The following SMAD3 variants were observed in gnomAD, a reference collection of about 807,000 sequenced individuals.
SMAD3 encodes the protein MAD homolog 3.
Under a neutral mutation model 51.8 loss-of-function variants are expected in SMAD3, and 12 were observed. That is an observed-to-expected ratio of 0.23 (90% CI 0.15 to 0.38). The LOEUF is 0.38. Among genes scored for constraint, SMAD3 ranks in the 10% least tolerant of loss-of-function variants. SMAD3 has a pLI of 1.00. For missense variants in SMAD3, 294 were observed against 565.6 expected (o/e 0.52, Z 4.87); for synonymous variants, 238 against 227.7 (o/e 1.05, Z -0.41).
chr15:67,172,117 C>T (rs1462976195), intron 5 of SMAD3, among the ~76,000 whole-genome samples: 1 of 152,210 alleles, frequency 6.6e-6, no homozygotes, highest in Non-Finnish European at 1.5e-5. Flanking sequence ...GTGAACTTCC[C>T]TCTAGATTGT....
chr15:67,183,567 C>T (rs1194062511), intron 6 of SMAD3, among the ~76,000 whole-genome samples: 1 of 152,082 alleles, frequency 6.6e-6, no homozygotes. Flanking sequence ...GGACAGGGGA[C>T]ATCCAGTGAT....
intron 1 of SMAD3, among the ~76,000 whole-genome samples, chr15:67,083,322 C>G (rs1033933678): frequency 2.6e-5 from 4 of 152,198 alleles, no homozygotes; most frequent in African/African-American, 9.7e-5. Context: ...AGATGTTTAC[C>G]ATCGCCTGTT....
rs747191952 is a variant in SMAD3, at chr15:67,193,694, ATT to A, written c.*3170_*3171del. 122 of 215,304 alleles carry A rather than the reference ATT, an allele frequency of 5.7e-4. No homozygotes were observed. Among genetic ancestry groups the A allele is most frequent in the East Asian group, 1.2e-3 (18 of 15,418 alleles). 13.3% of individuals were successfully genotyped at this position (215,304 alleles called of 1,614,324 possible). A position where few individuals can be genotyped will look rare whatever the true frequency, so the allele number is the denominator to read the frequency against. ...ATTGTCCTTATGTTGTCTGTGTTGT[ATT>A]TTTTTTTTTTTATTGACCATGGTGA... On this transcript the variant is annotated 3_prime_UTR_variant, in exon 9 of 9. Coordinates refer to ENST00000327367, the MANE Select transcript of SMAD3 (RefSeq NM_005902.4).
At position 67,107,248 on chromosome 15, in the gene SMAD3, G is replaced by A. The variant is rs191046938; in HGVS notation, c.206+40888G>A. 5.9e-5 allele frequency among the ~76,000 whole-genome samples: 9 copies of A among 152,284 alleles called. No homozygotes were observed. The East Asian group carries it at 1.7e-3, about 29-fold the overall frequency. ...TTGGATGCCAAAGGAATGACAAATG[G>A]TGGGAATTTCAGGCACAGTGACTGT... On this transcript the variant is annotated intron_variant, in intron 1 of 8. Transcript: ENST00000327367.
intron 3 of SMAD3, among the ~76,000 whole-genome samples, chr15:67,165,659 C>T (rs1019001109): frequency 2.6e-5 from 4 of 152,308 alleles, no homozygotes; most frequent in Non-Finnish European, 4.4e-5. Flanking sequence ...ATTTTGGAAG[C>T]GGAAATAGCA....
chr15:67,189,320 C>T (rs985410010), intron 8 of SMAD3, among the ~76,000 whole-genome samples: 2 of 152,192 alleles, frequency 1.3e-5, no homozygotes, highest in Non-Finnish European at 2.9e-5. Context: ...CCCTGCTACA[C>T]AAGCAAAGTA....
intron 1 of SMAD3, among the ~76,000 whole-genome samples, chr15:67,135,744 G>C (rs148215326): frequency 6.6e-6 from 1 of 152,142 alleles, no homozygotes; most frequent in East Asian, 1.9e-4. Flanking sequence ...GCATTGCCCT[G>C]CCTTGGCCTG....
chr15:67,141,144 G>C (rs1038782572), intron 1 of SMAD3, among the ~76,000 whole-genome samples: 1 of 152,236 alleles, frequency 6.6e-6, no homozygotes, highest in Admixed American at 6.5e-5. Flanking sequence ...GCAACGGGAA[G>C]TTTCTTAAGG....
At chr15:67,166,943 C>A in intron 4 of SMAD3, 90 bp downstream of exon 4, 1 of 993,112 alleles carries the variant, frequency 1.0e-6, no homozygotes, top group Non-Finnish European at 1.6e-6. Flanking sequence ...CCCTCTCCCT[C>A]CCTCCCTTCT....
intron 1 of SMAD3, among the ~76,000 whole-genome samples, chr15:67,076,197 C>T (rs1198873833): frequency 6.6e-6 from 1 of 152,180 alleles, no homozygotes; most frequent in Non-Finnish European, 1.5e-5. Context: ...TAAGGCTTGG[C>T]AGGCTATTGA....
rs17228212 is a variant in SMAD3, at chr15:67,166,301, T to C, written c.533-478T>C. ...ACACTGTCTTTGCCGTCATTGAACT[T>C]GCAACCTAACTGCTGAGTGAGGACA... On this transcript the variant is annotated intron_variant, in intron 3 of 8. Transcript: ENST00000327367. 89,838 of 377,908 alleles carry C rather than the reference T, an allele frequency of 0.24. 12,487 individuals carry two copies. The highest frequency in any genetic ancestry group is 0.28 in the Non-Finnish European group (72,163 of 253,902). The allele number at this position is 377,908 out of a possible 1,614,324, so 23.4% of individuals were successfully genotyped here. A position where few individuals can be genotyped will look rare whatever the true frequency, so the allele number is the denominator to read the frequency against.
At chr15:67,138,234 T>C (rs1961719205) in intron 1 of SMAD3, 3 of 688,516 alleles carry the variant, frequency 4.4e-6, no homozygotes, top group Non-Finnish European at 7.5e-6. Context: ...TGTGGACTCT[T>C]AGGATGTCAG....
intron 1 of SMAD3, among the ~76,000 whole-genome samples, chr15:67,082,957 A>T (rs1407623708): frequency 6.6e-6 from 1 of 152,234 alleles, no homozygotes; most frequent in Non-Finnish European, 1.5e-5. Context: ...ACTGCTACTG[A>T]TCCAAGAGGT....
At position 67,165,392 on chromosome 15, in the gene SMAD3, C is replaced by T. The variant is rs370879516; in HGVS notation, c.532+8C>T. ...CCCAGAGCAATATTCCAGGTAGGCACGTGGGCGGCACAGGCTGGCCTGGGA... is the reference window on the plus strand; with the variant it reads ...CCCAGAGCAATATTCCAGGTAGGCATGTGGGCGGCACAGGCTGGCCTGGGA... On this transcript the variant is annotated splice_region_variant and intron_variant, in intron 3 of 8. Coordinates refer to ENST00000327367, the MANE Select transcript of SMAD3 (RefSeq NM_005902.4). 8.7e-6 allele frequency: 14 copies of T among 1,613,788 alleles called. No individual in the cohort carries two copies. The Admixed American group carries it at 1.0e-4, about 12-fold the overall frequency.
chr15:67,180,105 G>T (rs1330907971), intron 5 of SMAD3, among the ~76,000 whole-genome samples: 1 of 152,186 alleles, frequency 6.6e-6, no homozygotes, highest in Non-Finnish European at 1.5e-5. Flanking sequence ...TAGGCATCAA[G>T]CAGAGTGTCG....
intron 5 of SMAD3, among the ~76,000 whole-genome samples, chr15:67,180,555 G>C (rs1380865049): frequency 1.3e-5 from 2 of 149,342 alleles, no homozygotes; most frequent in African/African-American, 2.5e-5. Context: ...CTAGATAAGT[G>C]TGGAAAATAG....
At chr15:67,139,474 T>C (rs944800777) in intron 1 of SMAD3, among the ~76,000 whole-genome samples, 1 of 152,140 alleles carries the variant, frequency 6.6e-6, no homozygotes, top group Non-Finnish European at 1.5e-5. Flanking sequence ...GGGAAGGGAA[T>C]ACTTTGATTT....
intron 5 of SMAD3, among the ~76,000 whole-genome samples, chr15:67,173,426 A>G (rs1449519745): frequency 6.6e-6 from 1 of 152,058 alleles, no homozygotes; most frequent in African/African-American, 2.4e-5. Context: ...CCCTTGAAGG[A>G]CAGATGGGAC....
chr15:67,138,138 T>C (rs2140260914), intron 1 of SMAD3: 1 of 1,475,188 alleles, frequency 6.8e-7, no homozygotes, highest in Non-Finnish European at 9.3e-7. Flanking sequence ...TTTCTCTTTC[T>C]TGAACTCGTC....
Sources: allele counts gnomAD v4.1 joint callset (sites outside exome capture counted in the v4.1 genomes callset), GRCh38; gene constraint gnomAD v4.1.1; transcripts MANE v1.5; gene names NCBI Gene and HGNC (gene_info 2026-07-23, HGNC 2026-07-21).